The following SMG6 variants were observed in gnomAD, a reference collection of about 807,000 sequenced individuals.
SMG6 encodes telomerase-binding protein EST1A.
SMG6 carries 66 observed loss-of-function variants against 142.2 expected under a neutral mutation model. The ratio of observed to expected loss-of-function variants is 0.46; its 90% CI spans 0.38 to 0.57. The LOEUF (loss-of-function observed/expected upper bound fraction) is 0.57, where lower values mean the gene tolerates loss of function less well. SMG6 is among the 20% of genes least tolerant of loss of function. SMG6 has a pLI of 0.00. For synonymous variants in SMG6, 779 were observed against 702.4 expected (o/e 1.11, Z -1.72); for missense variants, 1,793 against 1,832.0 (o/e 0.98, Z 0.39).
At chr17:2,191,654 C>T (rs2072167847) in intron 10 of SMG6, among the ~76,000 whole-genome samples, 1 of 152,186 alleles carries the variant, frequency 6.6e-6, no homozygotes, top group African/African-American at 2.4e-5. Flanking sequence ...AAGAAAGTCA[C>T]CTGAGGTCTG....
Position 2,236,607 on chromosome 17 carries a change from C to G in SMG6, c.2754G>C (p.Lys918Asn), listed in dbSNP as rs749378723. ...GMETFPAVAE[K>N]VLKEFQVLLQ... The stretch of plus-strand genomic sequence containing the variant: ...GTAACACCTGGAACTCCTTGAGGAC[C>G]TTCTCAGCCACTGCAGGGAATGTCT... The change falls in exon 10 of 19, where the codon AAG (lysine) becomes AAC (asparagine). Residue 918 changes from lysine (K) to asparagine (N), a missense_variant. By Grantham distance (94) the Lys-to-Asn change is moderately conservative. Coordinates refer to ENST00000263073, the MANE Select transcript of SMG6 (RefSeq NM_017575.5). The G allele has an allele frequency of 4.3e-6, 7 of 1,613,104 alleles. No individual in the cohort carries two copies. Among genetic ancestry groups the G allele is most frequent in the Non-Finnish European group, 5.9e-6 (7 of 1,179,642 alleles).
At chr17:2,153,933 G>A (rs2070914424) in intron 13 of SMG6, among the ~76,000 whole-genome samples, 1 of 147,988 alleles carries the variant, frequency 6.8e-6, no homozygotes, top group African/African-American at 2.5e-5. Flanking sequence ...GGGAACCTGG[G>A]GATGCACGTA....
At chr17:2,111,976 T>A (rs1320775773) in intron 13 of SMG6, among the ~76,000 whole-genome samples, 1 of 152,198 alleles carries the variant, frequency 6.6e-6, no homozygotes, top group African/African-American at 2.4e-5. Flanking sequence ...AAATACAGTA[T>A]CTTCCCTGTG....
At chr17:2,267,937 C>T (rs1354313638) in intron 8 of SMG6, among the ~76,000 whole-genome samples, 4 of 151,856 alleles carry the variant, frequency 2.6e-5, no homozygotes, top group African/African-American at 7.3e-5. Context: ...TTAGTAGAGA[C>T]GGGGTTTCAC....
chr17:2,175,362 C>G (rs956564672), intron 12 of SMG6, among the ~76,000 whole-genome samples: 1 of 152,050 alleles, frequency 6.6e-6, no homozygotes, highest in African/African-American at 2.4e-5. Flanking sequence ...CAGCAGCATC[C>G]CCAGCCAGAG....
At chr17:2,289,362 G>A (rs562815620) in intron 6 of SMG6, among the ~76,000 whole-genome samples, 1 of 152,136 alleles carries the variant, frequency 6.6e-6, no homozygotes, top group African/African-American at 2.4e-5. Flanking sequence ...TCCAAGACCT[G>A]CCTGGGCAAC....
At chr17:2,279,643 C>T (rs1156814699) in intron 8 of SMG6, among the ~76,000 whole-genome samples, 2 of 152,130 alleles carry the variant, frequency 1.3e-5, no homozygotes, top group Non-Finnish European at 2.9e-5. Flanking sequence ...AAGTGGATGG[C>T]TTCAAGTTAC....
chr17:2,109,559 T>C (rs535236183), intron 13 of SMG6, among the ~76,000 whole-genome samples: 1 of 152,326 alleles, frequency 6.6e-6, no homozygotes, highest in African/African-American at 2.4e-5. Context: ...CCACCGTGCA[T>C]GGCCTTTCTC....
chr17:2,083,975 G>A lies in SMG6; in HGVS notation c.3534+1750C>T, dbSNP rs180992004. Reference sequence around the variant, plus strand: ...CAGCCTGGTGTGGGTCACAACCTTTGTCTGGTCAATAAGCCTTAGAACGAG... The same window carrying A: ...CAGCCTGGTGTGGGTCACAACCTTTATCTGGTCAATAAGCCTTAGAACGAG... On this transcript the variant is annotated intron_variant, in intron 14 of 18. Transcript: ENST00000263073. Among the ~76,000 whole-genome samples the A allele has an allele frequency of 4.6e-5, 7 of 152,314 alleles. No individual in the cohort carries two copies. The East Asian group carries it at 1.4e-3, about 29-fold the overall frequency.
At chr17:2,234,557 C>G (rs1421159271) in intron 10 of SMG6, among the ~76,000 whole-genome samples, 1 of 152,200 alleles carries the variant, frequency 6.6e-6, no homozygotes, top group Non-Finnish European at 1.5e-5. Flanking sequence ...GCCACCGCAC[C>G]CGGCCTACCA....
chr17:2,213,836 C>T (rs920640032), intron 10 of SMG6: 1 of 151,670 alleles, frequency 6.6e-6, no homozygotes, highest in African/African-American at 2.4e-5. Context: ...AACGGGCCCA[C>T]TGCCTCTGGT....
At chr17:2,128,740 C>T (rs537580551) in intron 13 of SMG6, among the ~76,000 whole-genome samples, 1 of 147,782 alleles carries the variant, frequency 6.8e-6, no homozygotes, top group Admixed American at 6.9e-5. Flanking sequence ...AGGAGAATCA[C>T]TTGAACCCAG....
chr17:2,166,412 G>GA (rs1416050458), intron 13 of SMG6, among the ~76,000 whole-genome samples: 1 of 152,060 alleles, frequency 6.6e-6, no homozygotes, highest in African/African-American at 2.4e-5. Flanking sequence ...TATTTTGGGG[G>GA]AAAAAATGCC....
intron 18 of SMG6, chr17:2,063,148 G>A (rs1337824873): frequency 6.6e-6 from 1 of 152,224 alleles, no homozygotes; most frequent in Admixed American, 6.5e-5. Context: ...CAGGCCTTAG[G>A]TCAGCTAACC....
At chr17:2,270,709 G>A (rs150180689) in intron 8 of SMG6, among the ~76,000 whole-genome samples, 42 of 152,268 alleles carry the variant, frequency 2.8e-4, no homozygotes, top group Non-Finnish European at 5.6e-4. Flanking sequence ...AACCAACTCC[G>A]GCATTACAGC....
intron 10 of SMG6, among the ~76,000 whole-genome samples, chr17:2,204,824 G>A (rs1214058809): frequency 1.3e-5 from 2 of 152,054 alleles, no homozygotes; most frequent in South Asian, 2.1e-4. Flanking sequence ...TGAGCCAGAC[G>A]TAGTGGCACG....
At chr17:2,270,565 G>A (rs1174934681) in intron 8 of SMG6, among the ~76,000 whole-genome samples, 4 of 152,248 alleles carry the variant, frequency 2.6e-5, no homozygotes, top group Admixed American at 6.5e-5. Context: ...CGATGATCAT[G>A]CTGCTGCACT....
At chr17:2,166,896 G>A (rs1169948068) in intron 13 of SMG6, among the ~76,000 whole-genome samples, 3 of 152,062 alleles carry the variant, frequency 2.0e-5, no homozygotes, top group Non-Finnish European at 4.4e-5. Flanking sequence ...AGGCTGAGGC[G>A]GGCAGATCAC....
chr17:2,076,203 C>A (rs2068253242), intron 15 of SMG6, among the ~76,000 whole-genome samples: 1 of 152,162 alleles, frequency 6.6e-6, no homozygotes, highest in Non-Finnish European at 1.5e-5. Flanking sequence ...GTGAGAGGCG[C>A]TGGGAACGGG....
Sources: allele counts gnomAD v4.1 joint callset (sites outside exome capture counted in the v4.1 genomes callset), GRCh38; gene constraint gnomAD v4.1.1; transcripts MANE v1.5; gene names NCBI Gene and HGNC (gene_info 2026-07-23, HGNC 2026-07-21).